The following HEATR5B variants were observed in gnomAD, a reference collection of about 807,000 sequenced individuals.
The protein encoded by HEATR5B is HEAT repeat containing 5B.
A neutral mutation model predicts 224.1 loss-of-function variants in HEATR5B; 156 were observed. The observed-to-expected ratio is 0.70, with a 90% CI of 0.61 to 0.80. HEATR5B has a LOEUF of 0.80. Ranked by LOEUF, HEATR5B falls within the 30% of genes least tolerant of loss-of-function variation. The pLI is 0.00. For synonymous variants in HEATR5B, 1,027 were observed against 893.0 expected (o/e 1.15, Z -2.68); for missense variants, 2,323 against 2,535.5 (o/e 0.92, Z 1.80).
At chr2:37,038,105 C>G in intron 20 of HEATR5B, 81 bp from the exon 21 acceptor site, 1 of 937,706 alleles carries the variant, frequency 1.1e-6, no homozygotes, top group Non-Finnish European at 1.5e-6. Flanking sequence ...CAATTATCCT[C>G]TAAATAACCA....
intron 17 of HEATR5B, among the ~76,000 whole-genome samples, chr2:37,050,904 G>A (rs1670500655): frequency 6.6e-6 from 1 of 151,870 alleles, no homozygotes; most frequent in Non-Finnish European, 1.5e-5. Context: ...AGCTGGGTGT[G>A]GTTGCACATG....
intron 24 of HEATR5B, among the ~76,000 whole-genome samples, chr2:37,021,467 C>T (rs577400945): frequency 6.6e-6 from 1 of 152,330 alleles, no homozygotes; most frequent in African/African-American, 2.4e-5. Context: ...CTGACAATGT[C>T]AATTACCAGC....
chr2:37,034,266 A>G (rs983566746), intron 21 of HEATR5B, among the ~76,000 whole-genome samples: 5 of 149,412 alleles, frequency 3.3e-5, no homozygotes, highest in Non-Finnish European at 7.4e-5. Context: ...TCAGCCTCCC[A>G]AAGTGCTGGG....
In HEATR5B at chr2:37,082,676, A is replaced by G. The variant is rs557987961; in HGVS notation, c.126+613T>C. On this transcript the variant is annotated intron_variant, in intron 2 of 35. Coordinates refer to ENST00000233099, the MANE Select transcript of HEATR5B (RefSeq NM_019024.3). ...GTTTCAGCATACCCCTTCGTTTCCC[A>G]TAAGGGATACTTTTAGCTAATCGAA... Among the ~76,000 whole-genome samples, 7 of 152,332 alleles carry G rather than the reference A, an allele frequency of 4.6e-5. No homozygotes were observed. In the South Asian group the frequency reaches 1.5e-3, roughly 32 times the overall value.
chr2:37,040,599 G>T, intron 19 of HEATR5B, 81 bp from the exon 20 acceptor site: 7 of 996,686 alleles, frequency 7.0e-6, no homozygotes, highest in East Asian at 2.7e-5. Flanking sequence ...TGTTACATGG[G>T]TATACTCTTA....
Position 36,996,064 on chromosome 2 carries a change from CT to C in HEATR5B, c.5545+4521del, listed in dbSNP as rs371199948. On this transcript the variant is annotated intron_variant, in intron 33 of 35. Coordinates refer to ENST00000233099, the MANE Select transcript of HEATR5B (RefSeq NM_019024.3). ...CTGCGCTCAACTAAATAATGCAATT[CT>C]TTTTTTTTTTTTTTGAGAGGGAGTC... is the stretch of plus-strand genomic sequence containing the variant. 4.0e-3 allele frequency among the ~76,000 whole-genome samples: 551 copies of C among 137,338 alleles called. 2 individuals are homozygous for C. Among genetic ancestry groups the C allele is most frequent in the African/African-American group, 8.2e-3 (304 of 37,034 alleles). 90.1% of individuals were successfully genotyped at this position (137,338 alleles called of 152,430 possible).
Position 37,019,805 on chromosome 2 carries a change from T to C in HEATR5B, c.4104+4A>G. The C allele has an allele frequency of 1.3e-6, 2 of 1,597,970 alleles. No individual in the cohort carries two copies. The highest frequency in any genetic ancestry group is 1.7e-6 in the Non-Finnish European group (2 of 1,166,678). On this transcript the variant is annotated splice_donor_region_variant and intron_variant, in intron 26 of 35. Transcript: ENST00000233099. The stretch of plus-strand genomic sequence containing the variant: ...ACTATACAAAGTCCCATTTTTCTTC[T>C]TACCTGGCAAGCTTTCGCTATTATA...
intron 28 of HEATR5B, among the ~76,000 whole-genome samples, chr2:37,007,577 C>T (rs1008806334): frequency 7.2e-5 from 11 of 151,860 alleles, no homozygotes; most frequent in Admixed American, 5.3e-4. Context: ...ACTCTCAATC[C>T]ACCCGCCTCA....
At chr2:37,073,742 C>G (rs2148594276) in intron 5 of HEATR5B, among the ~76,000 whole-genome samples, 1 of 152,290 alleles carries the variant, frequency 6.6e-6, no homozygotes, top group East Asian at 1.9e-4. Context: ...AAATTCAATG[C>G]AACCTGAATC....
Position 36,981,948 on chromosome 2 carries a change from A to C in HEATR5B, c.5912-154T>G, listed in dbSNP as rs1171731616. Among the ~76,000 whole-genome samples, 7 of 152,174 alleles carry C rather than the reference A, an allele frequency of 4.6e-5. No individual in the cohort carries two copies. The East Asian group carries it at 1.2e-3, about 25-fold the overall frequency. On this transcript the variant is annotated intron_variant, in intron 35 of 35. Transcript: ENST00000233099. ...CTCAATAACTCGTAATTAATATTAA[A>C]TATTTACTAAATGTACAAGCTGGAA...
At position 37,028,859 on chromosome 2, in the gene HEATR5B, A is replaced by G. The variant is rs1299425816; in HGVS notation, c.3423T>C (p.Gly1141=). 6.2e-7 allele frequency: 1 copy of G among 1,614,058 alleles called. No homozygotes were observed. Among genetic ancestry groups the G allele is most frequent in the East Asian group, 2.2e-5 (1 of 44,866 alleles). ...SRTDIHCRHQ[G]VNITETGLEG... is the part of the protein sequence containing the mutation. ...CAAGACCAGTTTCTGTTATATTAACACCTTGGTGCCGGCAATGGATATCAG... is the reference window on the plus strand; with the variant it reads ...CAAGACCAGTTTCTGTTATATTAACGCCTTGGTGCCGGCAATGGATATCAG... The change falls in exon 23 of 36, where the codon GGT becomes GGC. Residue 1141 remains glycine, a synonymous_variant. Transcript: ENST00000233099.
At chr2:37,007,382 C>T (rs1010932353) in intron 28 of HEATR5B, 78 bp from the exon 29 acceptor site, 776 of 1,404,856 alleles carry the variant, frequency 5.5e-4, no homozygotes, top group Non-Finnish European at 6.8e-4. Flanking sequence ...CTCGTTCTGT[C>T]GCCCAGGCTG....
chr2:37,040,705 T>C (rs556632621), intron 19 of HEATR5B, among the ~76,000 whole-genome samples, 187 bp from the exon 20 acceptor site: 1 of 152,280 alleles, frequency 6.6e-6, no homozygotes, highest in South Asian at 2.1e-4. Flanking sequence ...TTTACTTATG[T>C]ATAATAACGT....
chr2:36,996,804 C>G (rs1666750356), intron 33 of HEATR5B, among the ~76,000 whole-genome samples: 1 of 152,144 alleles, frequency 6.6e-6, no homozygotes, highest in African/African-American at 2.4e-5. Flanking sequence ...GTTGGTCAGG[C>G]TGGTCTTGAA....
chr2:37,063,616 G>A (rs553264190), intron 10 of HEATR5B, among the ~76,000 whole-genome samples: 21 of 152,100 alleles, frequency 1.4e-4, no homozygotes, highest in African/African-American at 4.6e-4. Context: ...GGATTTCATC[G>A]GTAGCTATGC....
chr2:37,059,690 C>T (rs1671158586), intron 12 of HEATR5B, among the ~76,000 whole-genome samples: 1 of 151,708 alleles, frequency 6.6e-6, no homozygotes, highest in Non-Finnish European at 1.5e-5. Flanking sequence ...TCTAGAACTC[C>T]TGAGAGTGAT....
At position 36,991,618 on chromosome 2, in the gene HEATR5B, A is replaced by C. The variant is rs559156065; in HGVS notation, c.5546-819T>G. ...AACTTGAACAGAAATATAGTACGTA[A>C]TTAGAAATAACTAGAAATATGAACA... On this transcript the variant is annotated intron_variant, in intron 33 of 35. Coordinates refer to ENST00000233099, the MANE Select transcript of HEATR5B (RefSeq NM_019024.3). 6.6e-5 allele frequency among the ~76,000 whole-genome samples: 7 copies of C among 106,550 alleles called. No homozygotes were observed. The South Asian group carries it at 2.2e-3, about 34-fold the overall frequency. The allele number at this position is 106,550 out of a possible 152,430, so 69.9% of individuals were successfully genotyped here.
chr2:37,033,368 T>A (rs952110425), intron 21 of HEATR5B, among the ~76,000 whole-genome samples: 1 of 152,176 alleles, frequency 6.6e-6, no homozygotes, highest in Non-Finnish European at 1.5e-5. Flanking sequence ...TATACTTAAA[T>A]GAAAAATCCA....
Position 37,008,623 on chromosome 2 carries a change from G to A in HEATR5B, c.4510C>T (p.Leu1504Phe), listed in dbSNP as rs1446152900. ...ATGTAATACTCACCATCTGGAGGAAGCTGACTAGAAAATTCGGCTGGTAAA... is the reference window on the plus strand; with the variant it reads ...ATGTAATACTCACCATCTGGAGGAAACTGACTAGAAAATTCGGCTGGTAAA... ...LTLPAEFSSQLPPDGGAFYTP... is the reference protein window; with the variant it reads ...LTLPAEFSSQFPPDGGAFYTP... The change falls in exon 28 of 36, where the codon CTT (leucine) becomes TTT (phenylalanine). Residue 1504 changes from leucine (L) to phenylalanine (F), a missense_variant. Leu to Phe is a conservative substitution (Grantham distance 22, BLOSUM62 0). This residue lies in a region of HEATR5B where 844 missense variants were observed against 812.9 expected (regional missense o/e 1.04). Transcript: ENST00000233099. 6.2e-6 allele frequency: 10 copies of A among 1,611,096 alleles called. No homozygotes were observed. Among genetic ancestry groups the A allele is most frequent in the Non-Finnish European group, 7.6e-6 (9 of 1,177,260 alleles).
Sources: allele counts gnomAD v4.1 joint callset (sites outside exome capture counted in the v4.1 genomes callset), GRCh38; gene constraint gnomAD v4.1.1; regional missense constraint gnomAD v4.1.1; transcripts MANE v1.5; gene names NCBI Gene and HGNC (gene_info 2026-07-23, HGNC 2026-07-21).